The following HMGCLL1 variants were observed in gnomAD, a reference collection of about 807,000 sequenced individuals.
HMGCLL1 encodes the protein 3-hydroxy-3-methylglutaryl-CoA lyase like 1, also known as 3-hydroxymethyl-3-methylglutaryl-CoA lyase, cytoplasmic.
HMGCLL1 carries 36 observed loss-of-function variants against 39.1 expected under a neutral mutation model. That is an observed-to-expected ratio of 0.92 (90% confidence interval 0.71 to 1.22). HMGCLL1 has a LOEUF of 1.22. Ranked by LOEUF, HMGCLL1 falls within the 50% of genes most tolerant of loss-of-function variation. The pLI is 0.00. For synonymous variants in HMGCLL1, 149 were observed against 144.0 expected (o/e 1.03, Z -0.25); for missense variants, 451 against 416.5 (o/e 1.08, Z -0.72).
the HMGCLL1 span, among the ~76,000 whole-genome samples, chr6:55,669,618 A>G: frequency 6.6e-6 from 1 of 151,984 alleles, no homozygotes; most frequent in African/African-American, 2.4e-5. Flanking sequence ...AAGTCTTGAA[A>G]CAAATATTAA....
At chr6:55,594,195 T>A in the HMGCLL1 span, among the ~76,000 whole-genome samples, 715 of 152,332 alleles carry the variant, frequency 4.7e-3, 8 homozygotes, top group African/African-American at 0.016. Context: ...TTGAATCTAA[T>A]GATTCTGAAT....
intron 7 of HMGCLL1, among the ~76,000 whole-genome samples, chr6:55,490,158 T>C (rs974322648): frequency 6.6e-6 from 1 of 152,090 alleles, no homozygotes; most frequent in Admixed American, 6.6e-5. Context: ...TTTCAGCCTC[T>C]GGATCCCAAA....
upstream of HMGCLL1, among the ~76,000 whole-genome samples, chr6:55,583,975 T>C (rs558805295): frequency 2.6e-5 from 4 of 152,236 alleles, no homozygotes; most frequent in African/African-American, 9.6e-5. Flanking sequence ...ATATATGGAA[T>C]GGCCTTTTGA....
chr6:55,626,634 C>T, the HMGCLL1 span, among the ~76,000 whole-genome samples: 1 of 151,980 alleles, frequency 6.6e-6, no homozygotes, highest in South Asian at 2.1e-4. Flanking sequence ...CACCATCACC[C>T]GTAGTGATCC....
the HMGCLL1 span, among the ~76,000 whole-genome samples, chr6:55,661,753 T>C: frequency 6.6e-6 from 1 of 151,832 alleles, no homozygotes; most frequent in African/African-American, 2.4e-5. Flanking sequence ...CTGTGAAGAA[T>C]ATCACTGGTG....
the HMGCLL1 span, among the ~76,000 whole-genome samples, chr6:55,618,471 A>G: frequency 6.6e-6 from 1 of 152,106 alleles, no homozygotes; most frequent in Non-Finnish European, 1.5e-5. Context: ...TATGAATAAT[A>G]AACATGTCAG....
intron 5 of HMGCLL1, among the ~76,000 whole-genome samples, chr6:55,504,218 G>C (rs1258513580): frequency 6.6e-6 from 1 of 151,410 alleles, no homozygotes; most frequent in Admixed American, 6.6e-5. Flanking sequence ...CTGTGTCTTT[G>C]CTCTTTGTAG....
the HMGCLL1 span, among the ~76,000 whole-genome samples, chr6:55,678,884 G>A: frequency 6.6e-6 from 1 of 152,172 alleles, no homozygotes; most frequent in Non-Finnish European, 1.5e-5. Flanking sequence ...TTGGTATTTT[G>A]TTGAGTATAC....
intron 5 of HMGCLL1, among the ~76,000 whole-genome samples, chr6:55,508,132 G>A (rs531636757): frequency 3.6e-4 from 55 of 151,696 alleles, no homozygotes; most frequent in Non-Finnish European, 7.4e-4. Flanking sequence ...TATATTTGGA[G>A]GGCCTGGTTA....
chr6:55,562,222 A>G, intron 1 of HMGCLL1, among the ~76,000 whole-genome samples: 1 of 152,188 alleles, frequency 6.6e-6, no homozygotes. Context: ...AGTTTTTATT[A>G]ATAAGAGAAT....
intron 1 of HMGCLL1, among the ~76,000 whole-genome samples, chr6:55,571,622 G>A (rs113675996): frequency 4.3e-4 from 65 of 151,828 alleles, no homozygotes; most frequent in African/African-American, 1.4e-3. Context: ...TGGCTAATGC[G>A]GTGAAACCCC....
At chr6:55,529,304 A>C (rs1047361698) in intron 3 of HMGCLL1, among the ~76,000 whole-genome samples, 2 of 152,108 alleles carry the variant, frequency 1.3e-5, no homozygotes, top group African/African-American at 2.4e-5. Context: ...CATGCATGAA[A>C]GCAGAAGTGA....
chr6:55,578,318 G>C (rs1054997492), intron 1 of HMGCLL1, among the ~76,000 whole-genome samples: 3 of 152,126 alleles, frequency 2.0e-5, no homozygotes, highest in Non-Finnish European at 2.9e-5. Context: ...CACTGGTTAA[G>C]AGTGCATTAA....
chr6:55,564,463 C>T (rs1771114873), intron 1 of HMGCLL1, among the ~76,000 whole-genome samples: 2 of 152,000 alleles, frequency 1.3e-5, no homozygotes, highest in Admixed American at 1.3e-4. Flanking sequence ...CATATGTATA[C>T]ATGTGCCATG....
intron 1 of HMGCLL1, among the ~76,000 whole-genome samples, chr6:55,544,585 A>G (rs1044966528): frequency 1.3e-5 from 2 of 152,154 alleles, no homozygotes; most frequent in African/African-American, 4.8e-5. Flanking sequence ...TAAAAATTAA[A>G]GCATACATGG....
chr6:55,474,295 C>T (rs1163567160), intron 7 of HMGCLL1, among the ~76,000 whole-genome samples: 1 of 151,528 alleles, frequency 6.6e-6, no homozygotes, highest in African/African-American at 2.4e-5. Flanking sequence ...AGTTCTCAGA[C>T]AATCTGTTAT....
chr6:55,566,646 G>A (rs1372888557), intron 1 of HMGCLL1: 2 of 455,970 alleles, frequency 4.4e-6, no homozygotes, highest in African/African-American at 4.0e-5. Context: ...ATAGAGTCAT[G>A]TGAACATGCA....
At chr6:55,475,617 C>T (rs1765251102) in intron 7 of HMGCLL1, among the ~76,000 whole-genome samples, 2 of 151,664 alleles carry the variant, frequency 1.3e-5, no homozygotes, top group African/African-American at 4.8e-5. Context: ...AACATAGAAA[C>T]TCAATGTATC....
chr6:55,642,961 G>T, the HMGCLL1 span, among the ~76,000 whole-genome samples: 1 of 151,998 alleles, frequency 6.6e-6, no homozygotes, highest in Admixed American at 6.6e-5. Context: ...TTCCTGCAAA[G>T]AACATGATCT....
Sources: gnomAD v4.1 joint callset for allele counts (sites outside exome capture counted in the v4.1 genomes callset) on GRCh38, gnomAD v4.1.1 for gene constraint, MANE v1.5 for transcripts, NCBI Gene and HGNC (gene_info 2026-07-23, HGNC 2026-07-21) for gene names.